The following RNF157 variants were observed in gnomAD, a reference collection of about 807,000 sequenced individuals.
The protein encoded by RNF157 is E3 ubiquitin ligase RNF157.
A neutral mutation model predicts 88.3 loss-of-function variants in RNF157; 55 were observed. The ratio of observed to expected loss-of-function variants is 0.62; its 90% CI spans 0.50 to 0.78. RNF157 has a LOEUF of 0.78. Ranked by LOEUF, RNF157 falls within the 30% of genes least tolerant of loss-of-function variation. RNF157 has a pLI of 0.00. For missense variants in RNF157, 788 were observed against 860.8 expected (o/e 0.92, Z 1.06); for synonymous variants, 334 against 341.2 (o/e 0.98, Z 0.23).
At position 76,159,386 on chromosome 17, in the gene RNF157, C is replaced by T. The variant is rs776858549; in HGVS notation, c.1253G>A (p.Arg418His). 7.4e-6 allele frequency: 12 copies of T among 1,613,258 alleles called. No individual in the cohort carries two copies. The highest frequency in any genetic ancestry group is 2.2e-5 in the South Asian group (2 of 90,776). ...PPVRTISPLD[R>H]LSDSSSQGLK... ...TCCCTGACTGCTGCTGTCAGACAGG[C>T]GGTCAAGAGGCGAGATCGTCCTGAC... The change falls in exon 12 of 19, where the codon CGC becomes CAC. Residue 418 changes from arginine to histidine, a missense_variant. Physicochemically the swap from Arg to His is conservative, Grantham distance 29. Coordinates refer to ENST00000269391, the MANE Select transcript of RNF157 (RefSeq NM_052916.3).
Position 76,202,038 on chromosome 17 carries a change from A to T in RNF157, c.207+10326T>A, listed in dbSNP as rs138970178. Among the ~76,000 whole-genome samples, 1,057 of 152,102 alleles carry T rather than the reference A, an allele frequency of 6.9e-3. 15 individuals carry two copies. The highest frequency in any genetic ancestry group is 0.024 in the African/African-American group (975 of 41,466). ...TTTCCAGGCTAAAGGACAAAAAAAA[A>T]TTGTAGTAAAATTATAAAGGAAGGA... On this transcript the variant is annotated intron_variant, in intron 2 of 18. Transcript: ENST00000269391.
chr17:76,216,317 C>T (rs1044211248), intron 1 of RNF157, among the ~76,000 whole-genome samples: 1 of 151,982 alleles, frequency 6.6e-6, no homozygotes, highest in African/African-American at 2.4e-5. Flanking sequence ...AGAGAGGACC[C>T]CTAATGATTT....
chr17:76,216,305 C>T (rs1049643957), intron 1 of RNF157, among the ~76,000 whole-genome samples: 14 of 151,992 alleles, frequency 9.2e-5, no homozygotes, highest in African/African-American at 9.7e-5. Flanking sequence ...TTGAACCTAG[C>T]GAGAGAGGAC....
At chr17:76,164,881 C>A in intron 7 of RNF157, 86 bp from the exon 8 acceptor site, 2 of 925,774 alleles carry the variant, frequency 2.2e-6, no homozygotes, top group South Asian at 1.5e-5. Flanking sequence ...CAGTTACAGT[C>A]GCCCTCCCTG....
intron 18 of RNF157, among the ~76,000 whole-genome samples, chr17:76,148,839 G>C (rs952653267): frequency 6.6e-6 from 1 of 152,256 alleles, no homozygotes; most frequent in East Asian, 1.9e-4. Context: ...CAAAATGCTG[G>C]GATTACAGGC....
chr17:76,154,067 C>T (rs754707), intron 17 of RNF157: 156,854 of 556,000 alleles, frequency 0.28, 24,361 homozygotes, highest in African/African-American at 0.53. Context: ...ACCTGACATC[C>T]ATGGCTCTGA....
chr17:76,165,532 A>T lies in RNF157; in HGVS notation c.642T>A (p.His214Gln). 1 of 1,614,076 alleles carries T rather than the reference A, an allele frequency of 6.2e-7. No homozygotes were observed. The highest frequency in any genetic ancestry group is 1.7e-5 in the Admixed American group (1 of 60,034). Residue 214 changes from histidine to glutamine, a missense_variant, in exon 7 of 19, where the codon CAT becomes CAA. Transcript: ENST00000269391. ...VVDEGDEYFGHCHVLLGTFEK... is the reference protein window; with the variant it reads ...VVDEGDEYFGQCHVLLGTFEK... ...CAAAAGTACCCAGCAGTACATGGCAATGGCCAAAATACTCTGAAAGAAACA... is the reference window on the plus strand; with the variant it reads ...CAAAAGTACCCAGCAGTACATGGCATTGGCCAAAATACTCTGAAAGAAACA...
chr17:76,212,397 G>A lies in RNF157; in HGVS notation c.174C>T (p.Ser58=), dbSNP rs746123082. ...HPEGYLFGEN[S]DLNFLGNRPV... is the part of the protein sequence containing the mutation. ...GTCTGTTCCCCAGAAAGTTCAGATC[G>A]CTGTTCTCTCCAAACAGGTAACCTT... The change falls in exon 2 of 19, where the codon AGC becomes AGT. Residue 58 remains serine (S), a synonymous_variant. Transcript: ENST00000269391. 24 of 1,613,576 alleles carry A rather than the reference G, an allele frequency of 1.5e-5. No homozygotes were observed. The highest frequency in any genetic ancestry group is 3.3e-4 in the Middle Eastern group (2 of 6,060).
At chr17:76,168,150 G>A (rs957878764) in intron 3 of RNF157, among the ~76,000 whole-genome samples, 14 of 152,202 alleles carry the variant, frequency 9.2e-5, no homozygotes, top group Middle Eastern at 3.4e-3. Flanking sequence ...TGATCATTTT[G>A]GCATTTACCC....
At chr17:76,158,766 T>C (rs751691550) in intron 12 of RNF157, among the ~76,000 whole-genome samples, 60 of 152,160 alleles carry the variant, frequency 3.9e-4, no homozygotes, top group Non-Finnish European at 6.9e-4. Context: ...AAATCTTAAG[T>C]AGGACTAGGG....
In RNF157 at chr17:76,157,352, C is replaced by T. The variant is rs971318957; in HGVS notation, c.1414-1031G>A. On this transcript the variant is annotated intron_variant, in intron 13 of 18. Coordinates refer to ENST00000269391, the MANE Select transcript of RNF157 (RefSeq NM_052916.3). The surrounding 1 kb of genome is among the most constrained non-coding windows in gnomAD (Gnocchi z 5.6). ...TCTAGTCCAGGCTGCACACTGCGGTCGGGTGGGCCTTTGGGGTGTGAAGCA... is the reference window on the plus strand; with the variant it reads ...TCTAGTCCAGGCTGCACACTGCGGTTGGGTGGGCCTTTGGGGTGTGAAGCA... Among the ~76,000 whole-genome samples the T allele has an allele frequency of 1.2e-4, 19 of 152,212 alleles. No individual in the cohort carries two copies. The highest frequency in any genetic ancestry group is 3.3e-4 in the Admixed American group (5 of 15,286).
intron 1 of RNF157, among the ~76,000 whole-genome samples, chr17:76,222,714 C>G (rs2145052834): frequency 6.6e-6 from 1 of 152,216 alleles, no homozygotes; most frequent in African/African-American, 2.4e-5. Context: ...CCGAGAGATG[C>G]AAGGTTTGAA....
At chr17:76,192,560 G>A (rs2069404940) in intron 2 of RNF157, among the ~76,000 whole-genome samples, 1 of 152,096 alleles carries the variant, frequency 6.6e-6, no homozygotes, top group Non-Finnish European at 1.5e-5. Context: ...ATATGCCCAT[G>A]GTGACTCTTT....
intron 2 of RNF157, among the ~76,000 whole-genome samples, chr17:76,199,284 T>C (rs564424314): frequency 2.6e-5 from 4 of 152,364 alleles, no homozygotes; most frequent in Non-Finnish European, 4.4e-5. Context: ...AGTGTACTTA[T>C]ATTCCAAATT....
chr17:76,217,793 C>T (rs746581145), intron 1 of RNF157, among the ~76,000 whole-genome samples: 10 of 152,166 alleles, frequency 6.6e-5, no homozygotes, highest in Non-Finnish European at 1.0e-4. Flanking sequence ...AGATAAACTT[C>T]GAGTGTTTCA....
At chr17:76,213,434 G>A (rs1045802446) in intron 1 of RNF157, among the ~76,000 whole-genome samples, 1 of 152,030 alleles carries the variant, frequency 6.6e-6, no homozygotes, top group Non-Finnish European at 1.5e-5. Context: ...GCCAGGCATG[G>A]TGGCATGCGC....
chr17:76,211,271 G>A (rs189877985), intron 2 of RNF157, among the ~76,000 whole-genome samples: 9 of 152,326 alleles, frequency 5.9e-5, no homozygotes, highest in Non-Finnish European at 8.8e-5. Flanking sequence ...GGCCTGTGCC[G>A]TGCTCTACTC....
chr17:76,155,158 G>T, intron 16 of RNF157, 94 bp downstream of exon 16: 2 of 1,088,942 alleles, frequency 1.8e-6, no homozygotes, highest in Non-Finnish European at 2.8e-6. Flanking sequence ...CGTCAGCGCA[G>T]CCTCCTGGCC....
chr17:76,158,606 T>C, intron 12 of RNF157, 105 bp from the exon 13 acceptor site: 1 of 760,100 alleles, frequency 1.3e-6, no homozygotes. Context: ...TTTGCTTGTT[T>C]ATTTTTTGAG....
Sources: gnomAD v4.1 joint callset for allele counts (sites outside exome capture counted in the v4.1 genomes callset) on GRCh38, gnomAD v4.1.1 for gene constraint, Gnocchi (gnomAD v3.1) non-coding constraint, MANE v1.5 for transcripts, NCBI Gene and HGNC (gene_info 2026-07-23, HGNC 2026-07-21) for gene names.